Variants in ARHGEF4 observed in about 807,000 individuals in gnomAD.
ARHGEF4 encodes the protein APC-stimulated guanine nucleotide exchange factor 1.
ARHGEF4 carries 119 observed loss-of-function variants against 162.0 expected under a neutral mutation model. The observed-to-expected ratio is 0.73, with a 90% CI of 0.63 to 0.86. The LOEUF is 0.86. ARHGEF4 is among the 40% of genes least tolerant of loss of function. The pLI is 0.00. For missense variants in ARHGEF4, 2,488 were observed against 2,456.0 expected, an observed-to-expected ratio of 1.01 and a Z score of -0.28; for synonymous variants, 1,014 against 979.9, an observed-to-expected ratio of 1.03 and a Z score of -0.65.
intron 3 of ARHGEF4, among the ~76,000 whole-genome samples, chr2:130,936,430 G>C (rs1165343768): frequency 6.6e-6 from 1 of 152,136 alleles, no homozygotes; most frequent in Non-Finnish European, 1.5e-5. Flanking sequence ...CTTTATAGCA[G>C]TTTTCAACTT....
intron 1 of ARHGEF4, among the ~76,000 whole-genome samples, chr2:130,843,428 A>C (rs1356310541): frequency 2.0e-5 from 3 of 152,108 alleles, no homozygotes; most frequent in Non-Finnish European, 4.4e-5. Context: ...GGTGGGGCAG[A>C]CCCGGCAGGG....
intron 1 of ARHGEF4, among the ~76,000 whole-genome samples, chr2:130,875,279 A>C (rs760514081): frequency 6.6e-6 from 1 of 152,134 alleles, no homozygotes; most frequent in Non-Finnish European, 1.5e-5. Flanking sequence ...GCCCCACATC[A>C]GTCTCCAGCC....
At chr2:131,036,911 G>A (rs547101179) in intron 5 of ARHGEF4, among the ~76,000 whole-genome samples, 3 of 152,252 alleles carry the variant, frequency 2.0e-5, no homozygotes, top group East Asian at 1.9e-4. Context: ...GGGCCTCAGC[G>A]GGGTGAGCCA....
chr2:131,035,819 C>T (rs1690235160), intron 5 of ARHGEF4: 1 of 985,254 alleles, frequency 1.0e-6, no homozygotes, highest in Non-Finnish European at 1.2e-6. Flanking sequence ...TCACAGCTGC[C>T]CCCACCCTGC....
At chr2:130,875,078 A>T (rs1678736927) in intron 1 of ARHGEF4, among the ~76,000 whole-genome samples, 6 of 152,182 alleles carry the variant, frequency 3.9e-5, no homozygotes, top group Admixed American at 3.9e-4. Context: ...CCTCTGGAAG[A>T]TGACTTTAAA....
At chr2:130,894,538 A>T (rs1325806191) in intron 1 of ARHGEF4, among the ~76,000 whole-genome samples, 2 of 152,132 alleles carry the variant, frequency 1.3e-5, no homozygotes, top group East Asian at 1.9e-4. Flanking sequence ...CCTGCCACGG[A>T]GGCAGGACTG....
At position 130,915,825 on chromosome 2, in the gene ARHGEF4, G is replaced by A. The variant is rs755327871; in HGVS notation, c.1879G>A (p.Gly627Ser). ...CAAAGCAGGCGGCGAGGCCTCGAGGGGCAGGGGCGCCCTCATCATTGTAGC... is the reference window on the plus strand; with the variant it reads ...CAAAGCAGGCGGCGAGGCCTCGAGGAGCAGGGGCGCCCTCATCATTGTAGC... Reference protein sequence around the residue: ...EPKAGGEASRGRGALIIVAVE... With the variant: ...EPKAGGEASRSRGALIIVAVE... Residue 627 changes from glycine to serine, a missense_variant, in exon 2 of 14, where the codon GGC becomes AGC. Gly to Ser is a moderately conservative substitution (Grantham distance 56, BLOSUM62 0). This residue lies in a region of ARHGEF4 where 1,642 missense variants were observed against 1,481.5 expected (regional missense o/e 1.11). Coordinates refer to ENST00000409359, the MANE Select transcript of ARHGEF4 (RefSeq NM_001367493.1). 75 of 1,528,204 alleles carry A rather than the reference G, an allele frequency of 4.9e-5. No homozygotes were observed. In the Admixed American group the frequency reaches 1.5e-3, roughly 32 times the overall value. The allele number at this position is 1,528,204 out of a possible 1,614,324, so 94.7% of individuals were successfully genotyped here. A position where few individuals can be genotyped will look rare whatever the true frequency, so the allele number is the denominator to read the frequency against.
At chr2:130,945,045 G>A (rs1260131433) in intron 3 of ARHGEF4, among the ~76,000 whole-genome samples, 2 of 152,138 alleles carry the variant, frequency 1.3e-5, no homozygotes, top group African/African-American at 4.8e-5. Context: ...AGTGGCCCCT[G>A]TGGGACCTGA....
At chr2:130,838,219 A>C (rs773461468) in intron 1 of ARHGEF4, among the ~76,000 whole-genome samples, 3 of 152,234 alleles carry the variant, frequency 2.0e-5, no homozygotes, top group African/African-American at 7.2e-5. Context: ...GGACAATCAC[A>C]TAACCACCTG....
chr2:131,039,361 C>T (rs1359116232), intron 6 of ARHGEF4: 2 of 1,115,400 alleles, frequency 1.8e-6, no homozygotes, highest in African/African-American at 3.3e-5. Flanking sequence ...GACTGCTCAC[C>T]TCACACACAG....
chr2:130,908,996 C>G (rs1197820380), intron 1 of ARHGEF4, among the ~76,000 whole-genome samples: 1 of 152,128 alleles, frequency 6.6e-6, no homozygotes. Context: ...TTCACAGACA[C>G]TGGGAGGATT....
chr2:130,870,095 G>T (rs1041493984), intron 1 of ARHGEF4, among the ~76,000 whole-genome samples: 1 of 152,148 alleles, frequency 6.6e-6, no homozygotes, highest in East Asian at 1.9e-4. Flanking sequence ...AACAATATTC[G>T]CCCTCTGCTG....
At chr2:130,841,147 C>T (rs1023705179) in intron 1 of ARHGEF4, among the ~76,000 whole-genome samples, 3 of 152,090 alleles carry the variant, frequency 2.0e-5, no homozygotes, top group African/African-American at 2.4e-5. Flanking sequence ...TCACTGCAAC[C>T]TCCGTCTTCT....
At chr2:130,869,649 G>T (rs1165151115) in intron 1 of ARHGEF4, among the ~76,000 whole-genome samples, 1 of 152,210 alleles carries the variant, frequency 6.6e-6, no homozygotes, top group Non-Finnish European at 1.5e-5. Context: ...CAGTTAGAGA[G>T]AAGAGAGGGT....
chr2:131,040,452 G>A lies in ARHGEF4; in HGVS notation c.4662+12G>A, dbSNP rs1558894828. 1.9e-6 allele frequency: 3 copies of A among 1,548,342 alleles called. No individual in the cohort carries two copies. The highest frequency in any genetic ancestry group is 2.6e-6 in the Non-Finnish European group (3 of 1,146,466). ...GCTTCCTGGAGCATGTGAGCGCGCG[G>A]CCCCCGGCCCCTACCTGGGCGCTGC... On this transcript the variant is annotated intron_variant, in intron 8 of 13. Coordinates refer to ENST00000409359, the MANE Select transcript of ARHGEF4 (RefSeq NM_001367493.1).
intron 4 of ARHGEF4, among the ~76,000 whole-genome samples, chr2:130,959,727 T>C (rs1684522084): frequency 1.3e-5 from 2 of 152,226 alleles, no homozygotes; most frequent in African/African-American, 4.8e-5. Flanking sequence ...ACAGGAAGAT[T>C]AAGTAATTTG....
intron 4 of ARHGEF4, among the ~76,000 whole-genome samples, chr2:131,012,447 T>G (rs976454139): frequency 6.6e-6 from 1 of 152,160 alleles, no homozygotes; most frequent in African/African-American, 2.4e-5. Flanking sequence ...CAAGCCTGGC[T>G]GTGTCAGACA....
chr2:131,027,568 A>G (rs1689562418), intron 4 of ARHGEF4, among the ~76,000 whole-genome samples: 1 of 152,180 alleles, frequency 6.6e-6, no homozygotes, highest in South Asian at 2.1e-4. Flanking sequence ...ACACATATAT[A>G]TTGCATAACA....
chr2:131,039,826 C>A (rs1051876969), intron 6 of ARHGEF4, 190 bp from the exon 7 acceptor site: 3 of 1,410,364 alleles, frequency 2.1e-6, no homozygotes, highest in Middle Eastern at 2.6e-4. Context: ...CTGCGGGCGT[C>A]GGAGTCGTCA....
Sources: allele counts gnomAD v4.1 joint callset (sites outside exome capture counted in the v4.1 genomes callset), GRCh38; gene constraint gnomAD v4.1.1; regional missense constraint gnomAD v4.1.1; transcripts MANE v1.5; gene names NCBI Gene and HGNC (gene_info 2026-07-23, HGNC 2026-07-21).